Variants in COL22A1 observed in about 807,000 individuals in gnomAD.
COL22A1 encodes the protein collagen alpha-1(XXII) chain.
Under a neutral mutation model 248.9 loss-of-function variants are expected in COL22A1, and 221 were observed. The ratio of observed to expected loss-of-function variants is 0.89; its 90% CI spans 0.80 to 0.99. The LOEUF (loss-of-function observed/expected upper bound fraction) is 0.99. Ranked by LOEUF, COL22A1 falls within the 50% of genes least tolerant of loss-of-function variation. The pLI, the probability that COL22A1 is intolerant of heterozygous loss-of-function variation, is 0.00. For synonymous variants in COL22A1, 891 were observed against 793.4 expected (o/e 1.12, Z -2.07); for missense variants, 2,240 against 2,179.0 (o/e 1.03, Z -0.56).
chr8:138,713,252 C>T (rs1444504352), intron 30 of COL22A1, among the ~76,000 whole-genome samples: 1 of 151,522 alleles, frequency 6.6e-6, no homozygotes, highest in South Asian at 2.1e-4. Context: ...GGTGGGGGGG[C>T]GGTGCTTTAG....
In COL22A1 at chr8:138,807,757, C is replaced by T. The variant is rs746097753; in HGVS notation, c.1494+11G>A. 13 of 1,613,482 alleles carry T rather than the reference C, an allele frequency of 8.1e-6. No individual in the cohort carries two copies. Among genetic ancestry groups the T allele is most frequent in the Non-Finnish European group, 1.1e-5 (13 of 1,179,556 alleles). On this transcript the variant is annotated intron_variant, in intron 10 of 64. Transcript: ENST00000303045. ...GGTTCTAAACTACACCTCTGCCATG[C>T]CTGTACTGACCTTTGGACCAGGGAG...
chr8:138,739,588 A>G (rs912995570), intron 22 of COL22A1, among the ~76,000 whole-genome samples: 4 of 152,188 alleles, frequency 2.6e-5, no homozygotes, highest in Non-Finnish European at 4.4e-5. Flanking sequence ...CTGAAAGTGG[A>G]GTCGGGCTCT....
intron 9 of COL22A1, among the ~76,000 whole-genome samples, chr8:138,808,097 G>T (rs568340706): frequency 6.9e-4 from 105 of 152,334 alleles, no homozygotes; most frequent in Non-Finnish European, 1.1e-3. Context: ...CCACATTTCT[G>T]CTTACTTGTG....
chr8:138,638,535 A>G (rs767948017), intron 47 of COL22A1, among the ~76,000 whole-genome samples: 1 of 152,184 alleles, frequency 6.6e-6, no homozygotes, highest in African/African-American at 2.4e-5. Flanking sequence ...CACTGATGAC[A>G]GTGACTATCT....
intron 35 of COL22A1, among the ~76,000 whole-genome samples, chr8:138,691,184 C>T (rs144762015): frequency 2.1e-3 from 317 of 152,272 alleles, no homozygotes; most frequent in Middle Eastern, 3.4e-3. Flanking sequence ...TGGGACCTAA[C>T]CACAGAAGAG....
intron 40 of COL22A1, 68 bp from the exon 41 acceptor site, chr8:138,676,703 A>G: frequency 8.7e-7 from 1 of 1,151,824 alleles, no homozygotes; most frequent in Non-Finnish European, 1.3e-6. Flanking sequence ...GTACAAAATG[A>G]ATCATGCTTC....
In COL22A1 at chr8:138,608,796, C is replaced by T. The variant is rs553353766; in HGVS notation, c.3979-807G>A. ...TTCCTCTGCCCACCACACTCCCCCACTCAGGGCACATTCCCGTTGGCTGCT... is the reference window on the plus strand; with the variant it reads ...TTCCTCTGCCCACCACACTCCCCCATTCAGGGCACATTCCCGTTGGCTGCT... On this transcript the variant is annotated intron_variant, in intron 56 of 64. Transcript: ENST00000303045. 1.6e-4 allele frequency among the ~76,000 whole-genome samples: 25 copies of T among 152,192 alleles called. 1 individual carries two copies. The South Asian group carries it at 2.9e-3, about 18-fold the overall frequency.
intron 40 of COL22A1, among the ~76,000 whole-genome samples, chr8:138,678,440 A>T (rs1825728777): frequency 6.6e-6 from 1 of 151,870 alleles, no homozygotes; most frequent in African/African-American, 2.4e-5. Flanking sequence ...CCCTCCTCAA[A>T]TTTTCTGTAA....
At chr8:138,763,347 A>G (rs1395147828) in intron 16 of COL22A1, among the ~76,000 whole-genome samples, 1 of 151,942 alleles carries the variant, frequency 6.6e-6, no homozygotes, top group Non-Finnish European at 1.5e-5. Flanking sequence ...AGGTCATGCC[A>G]CTGCTCTCCA....
At chr8:138,848,233 T>C (rs1024810509) in intron 3 of COL22A1, among the ~76,000 whole-genome samples, 11 of 152,204 alleles carry the variant, frequency 7.2e-5, no homozygotes, top group African/African-American at 2.7e-4. Context: ...AGACACTGCT[T>C]CCTTAAAGTC....
intron 35 of COL22A1, 97 bp from the exon 36 acceptor site, chr8:138,690,971 A>C: frequency 1.1e-6 from 1 of 941,084 alleles, no homozygotes; most frequent in Non-Finnish European, 1.6e-6. Context: ...AATTCACCGC[A>C]ATGTGCTGGA....
At chr8:138,908,529 G>C (rs1815197241) in intron 1 of COL22A1, among the ~76,000 whole-genome samples, 3 of 152,138 alleles carry the variant, frequency 2.0e-5, no homozygotes, top group Admixed American at 2.0e-4. Flanking sequence ...TGTAATTTTT[G>C]TTAAGAGCAT....
intron 3 of COL22A1, among the ~76,000 whole-genome samples, chr8:138,873,656 C>T (rs1823510113): frequency 1.3e-5 from 2 of 152,256 alleles, no homozygotes; most frequent in East Asian, 3.9e-4. Context: ...GACAAGTTTC[C>T]CTCTCGAGGA....
rs371739708 is a variant in COL22A1 at position 138,591,465 on chromosome 8, C to A, written c.4652G>T (p.Gly1551Val). The A allele has an allele frequency of 8.2e-6, 13 of 1,579,286 alleles. No individual in the cohort carries two copies. Among genetic ancestry groups the A allele is most frequent in the African/African-American group, 1.4e-5 (1 of 73,374 alleles). Residue 1551 changes from glycine (G) to valine (V), a missense_variant, in exon 64 of 65, where the codon GGA becomes GTA. By Grantham distance (109) the Gly-to-Val change is moderately radical. Transcript: ENST00000303045. ...RGAKGDPGAP[G>V]VGLRGEMGPP... ...TCCCATCTCGCCTCGGAGGCCAACT[C>A]CAGGTGCACCTGGGTCACCTTTGGC...
intron 1 of COL22A1, among the ~76,000 whole-genome samples, chr8:138,889,709 A>G (rs187606938): frequency 1.7e-4 from 26 of 152,320 alleles, no homozygotes; most frequent in Middle Eastern, 3.4e-3. Flanking sequence ...GTTAAAGCAA[A>G]TATTAGCTGC....
chr8:138,753,043 T>C (rs1428462946), intron 21 of COL22A1, among the ~76,000 whole-genome samples: 2 of 152,108 alleles, frequency 1.3e-5, no homozygotes, highest in African/African-American at 4.8e-5. Context: ...TAGGGGTGAA[T>C]CGAATGAGGA....
chr8:138,845,177 T>C (rs183807077), intron 3 of COL22A1, among the ~76,000 whole-genome samples: 10 of 152,152 alleles, frequency 6.6e-5, no homozygotes, highest in Admixed American at 5.2e-4. Context: ...TATTATACAA[T>C]ATTACATAAA....
intron 40 of COL22A1, among the ~76,000 whole-genome samples, chr8:138,678,806 TA>T (rs5895551): frequency 0.98 from 149,301 of 152,144 alleles, 73,315 homozygotes; most frequent in East Asian, 1. Context: ...CCTCATCAAT[TA>T]AAAAAAAAGT....
chr8:138,623,259 TTTATGTG>T (rs1554722404), intron 52 of COL22A1, among the ~76,000 whole-genome samples: 1 of 64,244 alleles, frequency 1.6e-5, no homozygotes, highest in Admixed American at 1.9e-4. Context: ...TATATATATA[TTTATGTG>T]TGTGTGTGTG....
Sources: gnomAD v4.1 joint callset for allele counts (sites outside exome capture counted in the v4.1 genomes callset) on GRCh38, gnomAD v4.1.1 for gene constraint, MANE v1.5 for transcripts, NCBI Gene and HGNC (gene_info 2026-07-23, HGNC 2026-07-21) for gene names.